The following ACAP3 variants were observed in gnomAD, a reference collection of about 807,000 sequenced individuals.
ACAP3 encodes the protein ArfGAP with coiled-coil, ankyrin repeat and PH domains 3, also known as arf-GAP with coiled-coil, ANK repeat and PH domain-containing protein 3.
ACAP3 carries 56 observed loss-of-function variants against 104.1 expected under a neutral mutation model. The ratio of observed to expected loss-of-function variants is 0.54; its 90% CI spans 0.43 to 0.67. The LOEUF (loss-of-function observed/expected upper bound fraction) is 0.67, where lower values mean the gene tolerates loss of function less well. Among genes scored for constraint, ACAP3 ranks in the 30% least tolerant of loss-of-function variants. The probability of loss-of-function intolerance (pLI) is 0.00; values close to 1 mark genes in which losing one functional copy is unlikely to be tolerated. For missense variants in ACAP3, 1,208 were observed against 1,174.9 expected (o/e 1.03, Z -0.41); for synonymous variants, 628 against 496.2 (o/e 1.27, Z -3.53).
rs1640929906 is a variant in ACAP3, at chr1:1,293,439, C to T, written c.*125G>A. ...GGCGAGCAGGGCCGCGGCGCCCCAGCACTGGGGCTGCCAGGTATCGACCCG... is the reference window on the plus strand; with the variant it reads ...GGCGAGCAGGGCCGCGGCGCCCCAGTACTGGGGCTGCCAGGTATCGACCCG... On this transcript the variant is annotated 3_prime_UTR_variant, in exon 24 of 24. Transcript: ENST00000354700. 2 of 1,032,828 alleles carry T rather than the reference C, an allele frequency of 1.9e-6. No homozygotes were observed. The highest frequency in any genetic ancestry group is 4.2e-5 in the East Asian group (1 of 24,064). 64.0% of individuals were successfully genotyped at this position (1,032,828 alleles called of 1,614,324 possible). A position where few individuals can be genotyped will look rare whatever the true frequency, so the allele number is the denominator to read the frequency against.
At chr1:1,298,541 G>T in intron 11 of ACAP3, 26 bp downstream of exon 11, 1 of 396,210 alleles carries the variant, frequency 2.5e-6, no homozygotes, top group Non-Finnish European at 4.6e-6. Flanking sequence ...TAAGGACCCC[G>T]CCCCCACCTG....
intron 14 of ACAP3, among the ~76,000 whole-genome samples, chr1:1,297,507 ACG>A (rs1641233177): frequency 1.1e-4 from 2 of 18,448 alleles, no homozygotes; most frequent in Admixed American, 3.8e-4. Flanking sequence ...CCCCGGTGGC[ACG>A]TGTGTGTGTG....
chr1:1,296,667 G>A (rs1457533682), intron 14 of ACAP3, 34 bp from the exon 15 acceptor site: 5 of 1,519,750 alleles, frequency 3.3e-6, no homozygotes, highest in African/African-American at 1.4e-5. Flanking sequence ...CGGTCCCGCA[G>A]GGGCTCCAGC....
rs575628799 is a variant in ACAP3, at chr1:1,298,383, T to C, written c.902A>G (p.Gln301Arg). The change falls in exon 12 of 24, where the codon CAG becomes CGG. Residue 301 changes from glutamine to arginine, a missense_variant. Transcript: ENST00000354700. Reference sequence around the variant, plus strand: ...CCCAGGGCACACCTTGAGCTTCTTCTGGTAGACCAGCTGGCTGTTCTGAAT... The same window carrying C: ...CCCAGGGCACACCTTGAGCTTCTTCCGGTAGACCAGCTGGCTGTTCTGAAT... Reference protein sequence around the residue: ...FSIQNSQLVYQKKLKDALTVV... With the variant: ...FSIQNSQLVYRKKLKDALTVV... The C allele has an allele frequency of 9.4e-6, 15 of 1,603,476 alleles. No homozygotes were observed. The East Asian group carries it at 1.6e-4, about 17-fold the overall frequency.
Position 1,297,846 on chromosome 1 carries a change from C to G in ACAP3, c.1104G>C (p.Glu368Asp), listed in dbSNP as rs774817565. 1.9e-6 allele frequency: 3 copies of G among 1,611,766 alleles called. No homozygotes were observed. The South Asian group carries it at 3.3e-5, about 18-fold the overall frequency. ...VQASIASAYRESPDSCYSERL... is the reference protein window; with the variant it reads ...VQASIASAYRDSPDSCYSERL... ...CCTCGCTATAGCAACTGTCAGGGCT[C>G]TCGCGGTAGGCGGAGGCGATGCTGG... The change falls in exon 14 of 24, where the codon GAG (glutamate) becomes GAC (aspartate). Residue 368 changes from glutamate to aspartate, a missense_variant. Transcript: ENST00000354700.
At chr1:1,304,054 CG>C (rs781453688) in intron 2 of ACAP3, 31 bp downstream of exon 2, 1 of 1,550,088 alleles carries the variant, frequency 6.5e-7, no homozygotes, top group South Asian at 1.2e-5. Flanking sequence ...CAAGCTTGGC[CG>C]GGCACAGGGC....
intron 1 of ACAP3, chr1:1,307,434 A>T: frequency 7.7e-7 from 1 of 1,294,718 alleles, no homozygotes; most frequent in Non-Finnish European, 1.0e-6. Context: ...CCACGGACCC[A>T]GACGACCCTG....
At chr1:1,294,911 G>T (rs1220488722) in intron 19 of ACAP3, 95 bp from the exon 20 acceptor site, 2 of 1,297,838 alleles carry the variant, frequency 1.5e-6, no homozygotes, top group Non-Finnish European at 2.1e-6. Context: ...ACCCTCCAGG[G>T]GCCACCCCTA....
intron 1 of ACAP3, chr1:1,304,368 C>T (rs1385690247): frequency 3.3e-6 from 2 of 600,708 alleles, no homozygotes; most frequent in East Asian, 2.9e-5. Context: ...GCTGCTGTGC[C>T]CTCGGGGAAG....
rs1350879315 is a variant in ACAP3 at position 1,293,510 on chromosome 1, G to C, written c.*54C>G. Reference sequence around the variant, plus strand: ...GGCCGGGTGGGCGCCAGGGACTTCGGGGCATGCGGGGCGTCGGGCCGGGCG... The same window carrying C: ...GGCCGGGTGGGCGCCAGGGACTTCGCGGCATGCGGGGCGTCGGGCCGGGCG... On this transcript the variant is annotated 3_prime_UTR_variant, in exon 24 of 24. Coordinates refer to ENST00000354700, the MANE Select transcript of ACAP3 (RefSeq NM_030649.3). 1.2e-5 allele frequency: 17 copies of C among 1,382,844 alleles called. No individual in the cohort carries two copies. The East Asian group carries it at 5.3e-4, about 43-fold the overall frequency. 85.7% of individuals were successfully genotyped at this position (1,382,844 alleles called of 1,614,324 possible).
Position 1,294,820 on chromosome 1 carries a change from C to T in ACAP3, c.1814-4G>A. 6.5e-7 allele frequency: 1 copy of T among 1,549,686 alleles called. No individual in the cohort carries two copies. Among genetic ancestry groups the T allele is most frequent in the Non-Finnish European group, 8.7e-7 (1 of 1,146,628 alleles). The stretch of plus-strand genomic sequence containing the variant: ...AGGCCACTGTCGCTACTCAGACCTG[C>T]AGGTCCGCAGGGAAGGGGGTCCTGA... On this transcript the variant is annotated splice_region_variant and splice_polypyrimidine_tract_variant and intron_variant, in intron 19 of 23. Coordinates refer to ENST00000354700, the MANE Select transcript of ACAP3 (RefSeq NM_030649.3).
rs544493485 is a variant in ACAP3 at position 1,294,761 on chromosome 1, C to T, written c.1869G>A (p.Leu623=). 5 of 1,549,956 alleles carry T rather than the reference C, an allele frequency of 3.2e-6. No individual in the cohort carries two copies. In the East Asian group the frequency reaches 1.2e-4, roughly 38 times the overall value. Residue 623 remains leucine (L), a synonymous_variant, in exon 20 of 24, where the codon CTG becomes CTA. Coordinates refer to ENST00000354700, the MANE Select transcript of ACAP3 (RefSeq NM_030649.3). ...GGSSDGSSDV[L]AFGSGSVVDS... ...CCACCACAGAGCCCGAGCCGAAAGCCAGGACGTCCGAGCTGCCATCCGAGC... is the reference window on the plus strand; with the variant it reads ...CCACCACAGAGCCCGAGCCGAAAGCTAGGACGTCCGAGCTGCCATCCGAGC...
At position 1,297,802 on chromosome 1, in the gene ACAP3, A is replaced by G. The variant is rs1366708557; in HGVS notation, c.1128+20T>C. 1 of 1,605,516 alleles carries G rather than the reference A, an allele frequency of 6.2e-7. No homozygotes were observed. The highest frequency in any genetic ancestry group is 1.7e-5 in the Admixed American group (1 of 59,840). ...ACGTGTGTGTGCACGGGCTTGGGGC[A>G]GGGGCACCAAGGGCCACACCTCGCT... On this transcript the variant is annotated intron_variant, in intron 14 of 23. Coordinates refer to ENST00000354700, the MANE Select transcript of ACAP3 (RefSeq NM_030649.3).
chr1:1,305,830 G>T (rs993733601), intron 1 of ACAP3: 1 of 152,162 alleles, frequency 6.6e-6, no homozygotes, highest in East Asian at 1.9e-4. Context: ...CCTGGCCTCC[G>T]GCCCACTGCA....
At position 1,299,870 on chromosome 1, in the gene ACAP3, C is replaced by G. The variant is rs776174539; in HGVS notation, c.699G>C (p.Lys233Asn). 4.5e-6 allele frequency: 7 copies of G among 1,572,336 alleles called. No individual in the cohort carries two copies. The Admixed American group carries it at 1.1e-4, about 24-fold the overall frequency. ...CGGCGTGCTTTCGCTCCATCTCACG[C>G]TTTTCCACCGCAGAGTCGATCACCA... ...DQLVIDSAVEKREMERKHAAI... is the reference protein window; with the variant it reads ...DQLVIDSAVENREMERKHAAI... Residue 233 changes from lysine to asparagine, a missense_variant, in exon 9 of 24, where the codon AAG becomes AAC. Coordinates refer to ENST00000354700, the MANE Select transcript of ACAP3 (RefSeq NM_030649.3).
At position 1,303,379 on chromosome 1, in the gene ACAP3, G is replaced by T. The variant is rs1164499755; in HGVS notation, c.106-98C>A. 1 of 1,452,148 alleles carries T rather than the reference G, an allele frequency of 6.9e-7. No individual in the cohort carries two copies. Among genetic ancestry groups the T allele is most frequent in the Non-Finnish European group, 9.2e-7 (1 of 1,088,728 alleles). 90.0% of individuals were successfully genotyped at this position (1,452,148 alleles called of 1,614,324 possible). On this transcript the variant is annotated intron_variant, in intron 2 of 23. Coordinates refer to ENST00000354700, the MANE Select transcript of ACAP3 (RefSeq NM_030649.3). This position sits in a 1 kb window ranked among gnomAD's most constrained non-coding sequence, Gnocchi z 4.0. ...GAGGCAGGAAGAGCTCCCAGGGTAG[G>T]TTCCACTCAGGGCGTTGGCACTCAG...
rs146848656 is a variant in ACAP3, at chr1:1,303,294, G to A, written c.106-13C>T. The A allele has an allele frequency of 2.3e-5, 36 of 1,564,850 alleles. No homozygotes were observed. Among genetic ancestry groups the A allele is most frequent in the Non-Finnish European group, 2.7e-5 (31 of 1,155,804 alleles). On this transcript the variant is annotated splice_polypyrimidine_tract_variant and intron_variant, in intron 2 of 23. Transcript: ENST00000354700. This position sits in a 1 kb window ranked among gnomAD's most constrained non-coding sequence, Gnocchi z 4.0. ...ACAGCTTCACCAGCTGTGGGCCAGCGGGGCGTGGTGAGCACAGTGGGCACT... is the reference window on the plus strand; with the variant it reads ...ACAGCTTCACCAGCTGTGGGCCAGCAGGGCGTGGTGAGCACAGTGGGCACT...
At chr1:1,296,782 C>T (rs1641183186) in intron 14 of ACAP3, 149 bp from the exon 15 acceptor site, 6 of 821,942 alleles carry the variant, frequency 7.3e-6, no homozygotes, top group Admixed American at 2.3e-5. Context: ...CACACCCTCA[C>T]GTGGGCAGAT....
intron 4 of ACAP3, 113 bp from the exon 5 acceptor site, chr1:1,302,159 G>A (rs955630643): frequency 4.1e-6 from 4 of 980,322 alleles, no homozygotes; most frequent in Admixed American, 3.5e-5. Context: ...TGCAGGGGCG[G>A]GTCCCACCCT....
Sources: allele counts gnomAD v4.1 joint callset (sites outside exome capture counted in the v4.1 genomes callset), GRCh38; gene constraint gnomAD v4.1.1; non-coding constraint Gnocchi (gnomAD v3.1); transcripts MANE v1.5; gene names NCBI Gene and HGNC (gene_info 2026-07-23, HGNC 2026-07-21).